The following AATF variants were observed in gnomAD, a reference collection of about 807,000 sequenced individuals.
AATF encodes protein AATF.
In AATF, 48 loss-of-function variants were observed where a neutral mutation model predicts 63.7. The observed-to-expected ratio is 0.75, with a 90% confidence interval of 0.60 to 0.96. The LOEUF (loss-of-function observed/expected upper bound fraction) is 0.96. Among genes scored for constraint, AATF ranks in the 40% least tolerant of loss-of-function variants. The pLI, the probability that AATF is intolerant of heterozygous loss-of-function variation, is 0.00. For missense variants in AATF, 639 were observed against 685.7 expected, an observed-to-expected ratio of 0.93 and a Z score of 0.76; for synonymous variants, 258 against 247.7, an observed-to-expected ratio of 1.04 and a Z score of -0.39.
chr17:36,973,689 T>A (rs1009960969), intron 4 of AATF, among the ~76,000 whole-genome samples: 3 of 152,214 alleles, frequency 2.0e-5, no homozygotes, highest in African/African-American at 7.2e-5. Flanking sequence ...TTTAGGCAGG[T>A]AAGACCATTT....
intron 8 of AATF, among the ~76,000 whole-genome samples, chr17:37,009,946 A>G (rs1413591211): frequency 6.6e-6 from 1 of 152,006 alleles, no homozygotes; most frequent in African/African-American, 2.4e-5. Flanking sequence ...TGTGTGGGGA[A>G]GTCATATCAT....
chr17:37,011,045 G>A (rs1013610623), intron 8 of AATF, among the ~76,000 whole-genome samples: 9 of 152,352 alleles, frequency 5.9e-5, no homozygotes, highest in African/African-American at 2.2e-4. Flanking sequence ...GACCATGTCT[G>A]TTTTATTCTT....
chr17:36,992,226 T>C (rs1233897849), intron 8 of AATF, among the ~76,000 whole-genome samples: 1 of 152,234 alleles, frequency 6.6e-6, no homozygotes, highest in African/African-American at 2.4e-5. Flanking sequence ...ATTAATTTTT[T>C]TTATTCATTC....
chr17:37,056,393 C>T (rs544290271), intron 11 of AATF: 62 of 552,898 alleles, frequency 1.1e-4, no homozygotes, highest in Non-Finnish European at 1.9e-4. Context: ...GGTGTCCAGC[C>T]GCACTGGACC....
chr17:36,959,875 C>G (rs1017107264), intron 4 of AATF, among the ~76,000 whole-genome samples: 2 of 152,036 alleles, frequency 1.3e-5, no homozygotes, highest in Non-Finnish European at 2.9e-5. Flanking sequence ...TTTTACTTTC[C>G]TAAGAGTATG....
chr17:36,999,009 A>G (rs946327645), intron 8 of AATF: 8 of 152,232 alleles, frequency 5.3e-5, no homozygotes, highest in African/African-American at 1.9e-4. Flanking sequence ...CACCTGATCT[A>G]ATTCTACAGT....
At chr17:37,017,549 TGATA>T (rs1438555070) in intron 8 of AATF, among the ~76,000 whole-genome samples, 3 of 152,212 alleles carry the variant, frequency 2.0e-5, no homozygotes, top group Admixed American at 1.3e-4. Flanking sequence ...AGAGATAAAC[TGATA>T]GATTGGCTGC....
Position 36,950,206 on chromosome 17 carries a change from C to G in AATF, c.92-8C>G. The G allele has an allele frequency of 6.2e-7, 1 of 1,611,154 alleles. No homozygotes were observed. The highest frequency in any genetic ancestry group is 8.5e-7 in the Non-Finnish European group (1 of 1,177,580). On this transcript the variant is annotated splice_polypyrimidine_tract_variant and splice_region_variant and intron_variant, in intron 1 of 11. Coordinates refer to ENST00000619387, the MANE Select transcript of AATF (RefSeq NM_012138.4). ...AGATTCTGTTTACTTTTCCCTCTCC[C>G]CCGACAGCCACTGCTGCCAGGGTGA...
chr17:37,047,348 T>C (rs1002511993), intron 11 of AATF, among the ~76,000 whole-genome samples: 2 of 152,172 alleles, frequency 1.3e-5, no homozygotes, highest in South Asian at 2.1e-4. Context: ...TGTGGAAGAT[T>C]TGAAGCTAGT....
chr17:36,965,218 C>T lies in AATF; in HGVS notation c.832+11311C>T, dbSNP rs1403785828. ...CGTATCGTTCTGGAGGTCACAAGTC[C>T]TAAAATCAAGGTGTCAGCAGGGCTT... On this transcript the variant is annotated intron_variant, in intron 4 of 11. Coordinates refer to ENST00000619387, the MANE Select transcript of AATF (RefSeq NM_012138.4). Among the ~76,000 whole-genome samples, 13 of 152,290 alleles carry T rather than the reference C, an allele frequency of 8.5e-5. No homozygotes were observed. The East Asian group carries it at 2.5e-3, about 29-fold the overall frequency.
chr17:37,022,743 C>T (rs560301250), intron 10 of AATF, among the ~76,000 whole-genome samples: 8 of 152,032 alleles, frequency 5.3e-5, no homozygotes, highest in South Asian at 2.1e-4. Flanking sequence ...GTTGCTGTGA[C>T]GATTAAATGA....
At chr17:36,966,931 A>G (rs1340155747) in intron 4 of AATF, among the ~76,000 whole-genome samples, 1 of 152,216 alleles carries the variant, frequency 6.6e-6, no homozygotes, top group Non-Finnish European at 1.5e-5. Flanking sequence ...ATACCTATAT[A>G]CAATTTAAAG....
chr17:37,050,199 C>T (rs1237599646), intron 11 of AATF, among the ~76,000 whole-genome samples: 3 of 152,120 alleles, frequency 2.0e-5, no homozygotes, highest in Non-Finnish European at 4.4e-5. Context: ...CCTAAAATGA[C>T]AGAATTGGGT....
At position 36,953,076 on chromosome 17, in the gene AATF, G is replaced by T; in HGVS notation, c.474G>T (p.Glu158Asp). Residue 158 changes from glutamate (E) to aspartate (D), a missense_variant, in exon 3 of 12, where the codon GAG becomes GAT. Transcript: ENST00000619387. ...GFSVQSISDF[E>D]KFTKGMDDLG... is the part of the protein sequence containing the mutation. The stretch of plus-strand genomic sequence containing the variant: ...GTGTCCAGAGTATCAGTGACTTTGA[G>T]AAATTTACCAAGGGAATGGATGACC... 1 of 1,614,138 alleles carries T rather than the reference G, an allele frequency of 6.2e-7. No homozygotes were observed. The highest frequency in any genetic ancestry group is 2.2e-5 in the East Asian group (1 of 44,880).
Position 36,952,894 on chromosome 17 carries a change from A to C in AATF, c.292A>C (p.Ile98Leu). Reference protein sequence around the residue: ...QTLPGSSDEEISDEEGSGDED... With the variant: ...QTLPGSSDEELSDEEGSGDED... ...CCCTCTCTTCTTTGTAGATGAGGAAATATCTGATGAGGAAGGGTCTGGAGA... is the reference window on the plus strand; with the variant it reads ...CCCTCTCTTCTTTGTAGATGAGGAACTATCTGATGAGGAAGGGTCTGGAGA... Residue 98 changes from isoleucine (I) to leucine (L), a missense_variant, in exon 3 of 12, where the codon ATA (isoleucine) becomes CTA (leucine). Ile to Leu is a conservative substitution (Grantham distance 5). Coordinates refer to ENST00000619387, the MANE Select transcript of AATF (RefSeq NM_012138.4). 1 of 1,612,130 alleles carries C rather than the reference A, an allele frequency of 6.2e-7. No individual in the cohort carries two copies. The highest frequency in any genetic ancestry group is 8.5e-7 in the Non-Finnish European group (1 of 1,178,482).
At chr17:37,052,199 A>C (rs1401580909) in intron 11 of AATF, 1 of 152,092 alleles carries the variant, frequency 6.6e-6, no homozygotes, top group Non-Finnish European at 1.5e-5. Flanking sequence ...TGTTTTTTTA[A>C]AAAGTTGATT....
chr17:37,023,903 A>G (rs2071492039), intron 10 of AATF, among the ~76,000 whole-genome samples: 2 of 152,088 alleles, frequency 1.3e-5, no homozygotes. Flanking sequence ...ATAAAGTGGC[A>G]TAGTATTTGC....
chr17:37,050,190 CT>C (rs2071735711), intron 11 of AATF, among the ~76,000 whole-genome samples: 1 of 152,106 alleles, frequency 6.6e-6, no homozygotes, highest in African/African-American at 2.4e-5. Flanking sequence ...GCTGTAAGTC[CT>C]AAAATGACAG....
chr17:37,016,859 A>C (rs908194861), intron 8 of AATF, among the ~76,000 whole-genome samples: 1 of 152,168 alleles, frequency 6.6e-6, no homozygotes, highest in African/African-American at 2.4e-5. Context: ...TTTTCTTACC[A>C]TGGACACAAC....
Sources: gnomAD v4.1 joint callset for allele counts (sites outside exome capture counted in the v4.1 genomes callset) on GRCh38, gnomAD v4.1.1 for gene constraint, MANE v1.5 for transcripts, NCBI Gene and HGNC (gene_info 2026-07-23, HGNC 2026-07-21) for gene names.